DCAF1: variants seen among roughly 807,000 people sequenced by gnomAD.
DCAF1 encodes DDB1 and CUL4 associated factor 1.
A neutral mutation model predicts 128.0 loss-of-function variants in DCAF1; 15 were observed. The observed-to-expected ratio is 0.12, with a 90% CI of 0.08 to 0.18. DCAF1 has a LOEUF of 0.18. Among genes scored for constraint, DCAF1 ranks in the 10% least tolerant of loss-of-function variants. DCAF1 has a pLI of 1.00. For synonymous variants in DCAF1, 610 were observed against 603.0 expected (o/e 1.01, Z -0.17); for missense variants, 988 against 1,649.5 (o/e 0.60, Z 6.95).
intron 2 of DCAF1, among the ~76,000 whole-genome samples, chr3:51,487,652 C>A (rs1707125545): frequency 6.6e-6 from 1 of 151,922 alleles, no homozygotes; most frequent in African/African-American, 2.4e-5. Flanking sequence ...TTAACCAATT[C>A]TTTCTTCCTT....
chr3:51,460,067 C>A (rs1377253450), intron 6 of DCAF1, among the ~76,000 whole-genome samples: 1 of 152,088 alleles, frequency 6.6e-6, no homozygotes, highest in Non-Finnish European at 1.5e-5. Context: ...GGCAATCAGG[C>A]AGGAGAAGGA....
Position 51,417,826 on chromosome 3 carries a change from A to AG in DCAF1, c.3518+289dup, listed in dbSNP as rs547965100. ...GAGGGGGGAGGGGAGGGGAGAGGAG[A>AG]GGAGAGGAGACACAGCAAAGACTGC... On this transcript the variant is annotated intron_variant, in intron 17 of 24. Coordinates refer to ENST00000684031, the MANE Select transcript of DCAF1 (RefSeq NM_001387579.1). 1.6e-4 allele frequency among the ~76,000 whole-genome samples: 25 copies of AG among 151,588 alleles called. No individual in the cohort carries two copies. The East Asian group carries it at 4.1e-3, about 25-fold the overall frequency.
rs1700234684 is a variant in DCAF1, at chr3:51,430,018, C to T, written c.1467+15G>A. 1 of 779,624 alleles carries T rather than the reference C, an allele frequency of 1.3e-6. No homozygotes were observed. The highest frequency in any genetic ancestry group is 1.7e-5 in the Admixed American group (1 of 58,896). 48.3% of individuals were successfully genotyped at this position (779,624 alleles called of 1,614,324 possible). Reference sequence around the variant, plus strand: ...ACCCTCAATCCTAGGGAGAAAAGCACTGAAAGAACCTCACCAAGTTCACCA... The same window carrying T: ...ACCCTCAATCCTAGGGAGAAAAGCATTGAAAGAACCTCACCAAGTTCACCA... On this transcript the variant is annotated intron_variant, in intron 11 of 24. Coordinates refer to ENST00000684031, the MANE Select transcript of DCAF1 (RefSeq NM_001387579.1).
intron 14 of DCAF1, among the ~76,000 whole-genome samples, chr3:51,421,897 C>T (rs1699428324): frequency 1.3e-5 from 2 of 151,914 alleles, no homozygotes; most frequent in Non-Finnish European, 1.5e-5. Context: ...TTCCCTTTAA[C>T]TCCTGGAAAG....
chr3:51,436,347 T>C (rs1700827480), intron 9 of DCAF1: 1 of 519,682 alleles, frequency 1.9e-6, no homozygotes, highest in South Asian at 1.4e-5. Context: ...GAGTTCAGAA[T>C]GAATCAAGTA....
intron 24 of DCAF1, among the ~76,000 whole-genome samples, chr3:51,402,727 A>G (rs1349724832): frequency 1.3e-5 from 2 of 152,014 alleles, no homozygotes; most frequent in Admixed American, 6.5e-5. Context: ...GGCATGTGCC[A>G]CCACGCCCAG....
At chr3:51,433,853 G>A (rs937774953) in intron 9 of DCAF1, among the ~76,000 whole-genome samples, 4 of 151,096 alleles carry the variant, frequency 2.6e-5, no homozygotes, top group Non-Finnish European at 5.9e-5. Flanking sequence ...GGCCAAGGTA[G>A]GCAGATCACT....
At chr3:51,424,254 G>A (rs974421748) in intron 13 of DCAF1, among the ~76,000 whole-genome samples, 1 of 151,830 alleles carries the variant, frequency 6.6e-6, no homozygotes, top group Non-Finnish European at 1.5e-5. Flanking sequence ...ACAAAAATTA[G>A]CTGGGCATGG....
chr3:51,426,124 T>C (rs1699888211), intron 13 of DCAF1, among the ~76,000 whole-genome samples: 1 of 152,160 alleles, frequency 6.6e-6, no homozygotes, highest in Non-Finnish European at 1.5e-5. Flanking sequence ...AGATATGAGA[T>C]ATTAGGCCAG....
intron 6 of DCAF1, among the ~76,000 whole-genome samples, chr3:51,455,095 C>A (rs1052192899): frequency 5.8e-4 from 88 of 152,190 alleles, no homozygotes; most frequent in African/African-American, 2.1e-3. Flanking sequence ...GTTTGCCCAC[C>A]CCCAAACACC....
chr3:51,470,349 C>A (rs921586473), intron 4 of DCAF1, among the ~76,000 whole-genome samples: 1 of 152,046 alleles, frequency 6.6e-6, no homozygotes, highest in Admixed American at 6.6e-5. Flanking sequence ...TAGCTTGTGT[C>A]CAGGAGTTCG....
At position 51,441,574 on chromosome 3, in the gene DCAF1, C is replaced by T; in HGVS notation, c.837G>A (p.Arg279=). Residue 279 remains arginine, a synonymous_variant, in exon 8 of 25, where the codon AGG becomes AGA. Coordinates refer to ENST00000684031, the MANE Select transcript of DCAF1 (RefSeq NM_001387579.1). ...AGAAACCCAACTTTTGCTTGGCTTTCCTAAAGTTCTCTCTGTCACCCTGTT... is the reference window on the plus strand; with the variant it reads ...AGAAACCCAACTTTTGCTTGGCTTTTCTAAAGTTCTCTCTGTCACCCTGTT... The part of the protein sequence containing the change: ...SAKQGDRENF[R]KAKQKLGFSS... 1.2e-6 allele frequency: 2 copies of T among 1,613,978 alleles called. No individual in the cohort carries two copies. Among genetic ancestry groups the T allele is most frequent in the Admixed American group, 1.7e-5 (1 of 60,004 alleles).
intron 11 of DCAF1, 48 bp from the exon 12 acceptor site, chr3:51,429,518 G>A (rs1553635027): frequency 1.3e-6 from 1 of 764,400 alleles, no homozygotes; most frequent in East Asian, 2.4e-5. Context: ...AAGGCAAGAA[G>A]AGTTAAGTAA....
At chr3:51,424,184 G>A (rs561331794) in intron 13 of DCAF1, among the ~76,000 whole-genome samples, 6 of 152,124 alleles carry the variant, frequency 3.9e-5, no homozygotes, top group African/African-American at 9.6e-5. Context: ...GGTGGATCAC[G>A]AGGTCAGGAG....
intron 3 of DCAF1, among the ~76,000 whole-genome samples, chr3:51,471,211 T>C (rs1704705555): frequency 6.7e-6 from 1 of 149,416 alleles, no homozygotes; most frequent in South Asian, 2.1e-4. Context: ...TTTTTGACAG[T>C]CTCGCTCTGT....
intron 23 of DCAF1, among the ~76,000 whole-genome samples, chr3:51,408,008 A>AAAAAG (rs1698056098): frequency 6.7e-6 from 1 of 149,880 alleles, no homozygotes; most frequent in Non-Finnish European, 1.5e-5. Context: ...AAAAAAAAAA[A>AAAAAG]ACAACCAGAT....
intron 6 of DCAF1, among the ~76,000 whole-genome samples, chr3:51,461,483 C>T (rs1703561364): frequency 6.6e-6 from 1 of 152,100 alleles, no homozygotes; most frequent in Non-Finnish European, 1.5e-5. Flanking sequence ...ACTAGTTCAA[C>T]CATTGTGGAA....
chr3:51,483,641 G>GTA (rs1706548719), intron 3 of DCAF1, 78 bp downstream of exon 3: 3 of 905,068 alleles, frequency 3.3e-6, no homozygotes, highest in East Asian at 2.4e-5. Context: ...GTGTGTGTGT[G>GTA]TGTGTATGAA....
chr3:51,422,712 T>C (rs1471313559), intron 13 of DCAF1, among the ~76,000 whole-genome samples: 2 of 152,140 alleles, frequency 1.3e-5, no homozygotes, highest in Non-Finnish European at 2.9e-5. Context: ...TGAAAACATA[T>C]AGAGACACGT....
Sources: allele counts gnomAD v4.1 joint callset (sites outside exome capture counted in the v4.1 genomes callset), GRCh38; gene constraint gnomAD v4.1.1; transcripts MANE v1.5; gene names NCBI Gene and HGNC (gene_info 2026-07-23, HGNC 2026-07-21).